WDPCP: variants seen among roughly 807,000 people sequenced by gnomAD.
WDPCP encodes WD repeat containing planar cell polarity effector.
In WDPCP, 71 loss-of-function variants were observed where a neutral mutation model predicts 93.1. The ratio of observed to expected loss-of-function variants is 0.76; its 90% confidence interval spans 0.63 to 0.93. WDPCP has a LOEUF of 0.93. Among genes scored for constraint, WDPCP ranks in the 40% least tolerant of loss-of-function variants. The probability of loss-of-function intolerance (pLI) is 0.00; values close to 1 mark genes in which losing one functional copy is unlikely to be tolerated. For synonymous variants in WDPCP, 315 were observed against 315.0 expected (o/e 1.00, Z 0.00); for missense variants, 844 against 887.4 (o/e 0.95, Z 0.62).
At chr2:63,426,791 C>T (rs1459275761) in intron 9 of WDPCP, among the ~76,000 whole-genome samples, 22 of 152,102 alleles carry the variant, frequency 1.4e-4, no homozygotes, top group Non-Finnish European at 1.5e-5. Flanking sequence ...AAGACAAGGT[C>T]CAAGTGTTTA....
chr2:63,662,713 G>C (rs980646793), intron 2 of WDPCP, among the ~76,000 whole-genome samples: 2 of 152,080 alleles, frequency 1.3e-5, no homozygotes, highest in Non-Finnish European at 2.9e-5. Flanking sequence ...TGGAGAGAGG[G>C]GTAGGTGGCT....
At chr2:63,811,639 C>T (rs985240214) in intron 2 of WDPCP, among the ~76,000 whole-genome samples, 14 of 147,852 alleles carry the variant, frequency 9.5e-5, no homozygotes, top group African/African-American at 3.0e-4. Context: ...TCAGGGAGTA[C>T]ATGTGCAGGT....
intron 15 of WDPCP, among the ~76,000 whole-genome samples, chr2:63,155,827 CTTT>C (rs1339889979): frequency 6.6e-6 from 1 of 152,132 alleles, no homozygotes; most frequent in Non-Finnish European, 1.5e-5. Context: ...ATTCTAGCTT[CTTT>C]GTCTCTTTGT....
At chr2:63,823,648 T>C (rs2104138748) in intron 1 of WDPCP, among the ~76,000 whole-genome samples, 1 of 152,292 alleles carries the variant, frequency 6.6e-6, no homozygotes, top group African/African-American at 2.4e-5. Flanking sequence ...GAAATTAAGT[T>C]GCAAACATCA....
chr2:63,369,625 A>G (rs981723245), intron 12 of WDPCP, among the ~76,000 whole-genome samples: 1 of 152,184 alleles, frequency 6.6e-6, no homozygotes, highest in African/African-American at 2.4e-5. Context: ...AAGTCTTAAG[A>G]TTCATTTGTT....
intron 15 of WDPCP, among the ~76,000 whole-genome samples, chr2:63,170,610 A>C (rs1673316692): frequency 6.6e-6 from 1 of 152,112 alleles, no homozygotes; most frequent in African/African-American, 2.4e-5. Context: ...CAATATACCC[A>C]GTTGCTTATT....
intron 14 of WDPCP, among the ~76,000 whole-genome samples, chr2:63,227,886 A>T (rs565660052): frequency 6.6e-6 from 1 of 152,210 alleles, no homozygotes; most frequent in South Asian, 2.1e-4. Flanking sequence ...CACTGTATTT[A>T]CAAAGGAACA....
At chr2:63,345,748 C>T (rs1689149216) in intron 12 of WDPCP, among the ~76,000 whole-genome samples, 1 of 152,094 alleles carries the variant, frequency 6.6e-6, no homozygotes, top group African/African-American at 2.4e-5. Context: ...AATAGATGCC[C>T]TTGAGTATTC....
chr2:63,659,832 A>C (rs537959946), intron 2 of WDPCP, among the ~76,000 whole-genome samples: 3 of 152,312 alleles, frequency 2.0e-5, no homozygotes, highest in South Asian at 4.1e-4. Context: ...GGTCTGTGGC[A>C]AGGTTGTAGG....
chr2:63,437,643 A>T, intron 7 of WDPCP, 89 bp from the exon 8 acceptor site: 1 of 1,251,912 alleles, frequency 8.0e-7, no homozygotes, highest in South Asian at 1.5e-5. Flanking sequence ...ATTTTCAAAC[A>T]TACATATTAA....
chr2:63,568,230 T>C (rs1041298029), intron 1 of WDPCP, among the ~76,000 whole-genome samples: 4 of 152,132 alleles, frequency 2.6e-5, no homozygotes, highest in Non-Finnish European at 5.9e-5. Context: ...CCAAGCAATC[T>C]AGTTCAACTA....
At chr2:63,746,016 T>C (rs888782142) in intron 2 of WDPCP, among the ~76,000 whole-genome samples, 5 of 152,184 alleles carry the variant, frequency 3.3e-5, no homozygotes, top group Non-Finnish European at 5.9e-5. Flanking sequence ...TGTTTTCATA[T>C]GTTTATGGGC....
At chr2:63,511,041 C>T (rs1369236678) in intron 1 of WDPCP, among the ~76,000 whole-genome samples, 2 of 152,166 alleles carry the variant, frequency 1.3e-5, no homozygotes, top group African/African-American at 2.4e-5. Context: ...TGATAAGCAA[C>T]TTCAGCAAAG....
intron 12 of WDPCP, among the ~76,000 whole-genome samples, chr2:63,368,044 A>C (rs1691054354): frequency 6.6e-6 from 1 of 152,224 alleles, no homozygotes. Context: ...GACAAAACTC[A>C]AATACCTTTT....
rs931322222 is a variant in WDPCP at position 63,146,955 on chromosome 2, A to G, written c.2190+5959T>C. 5.9e-5 allele frequency among the ~76,000 whole-genome samples: 9 copies of G among 152,168 alleles called. 1 individual carries two copies. The highest frequency in any genetic ancestry group is 5.9e-4 in the Admixed American group (9 of 15,286). On this transcript the variant is annotated intron_variant, in intron 17 of 17. Transcript: ENST00000272321. ...GTATATTTAAAACTTTTCATAATAA[A>G]ATTTTGGTAAAACTAGTGTTACTGA...
intron 10 of WDPCP, among the ~76,000 whole-genome samples, chr2:63,397,810 A>G (rs1262792943): frequency 6.6e-6 from 1 of 152,130 alleles, no homozygotes; most frequent in Non-Finnish European, 1.5e-5. Context: ...GAGGAGTGAG[A>G]AGTGAAGAAG....
intron 1 of WDPCP, among the ~76,000 whole-genome samples, chr2:63,566,126 G>A (rs768353124): frequency 1.3e-5 from 2 of 152,078 alleles, no homozygotes; most frequent in Non-Finnish European, 2.9e-5. Flanking sequence ...GACCTTGAAT[G>A]TACCACTCTG....
At chr2:63,282,422 T>G (rs1683635713) in intron 13 of WDPCP, among the ~76,000 whole-genome samples, 1 of 152,136 alleles carries the variant, frequency 6.6e-6, no homozygotes, top group Admixed American at 6.5e-5. Flanking sequence ...AGAGAATTGC[T>G]TGAACCTGGG....
chr2:63,522,255 T>C (rs1381109945), intron 1 of WDPCP, among the ~76,000 whole-genome samples: 1 of 151,792 alleles, frequency 6.6e-6, no homozygotes, highest in East Asian at 1.9e-4. Flanking sequence ...CTTCCACTTA[T>C]GAGTGAAAAC....
Sources: gnomAD v4.1 joint callset for allele counts (sites outside exome capture counted in the v4.1 genomes callset) on GRCh38, gnomAD v4.1.1 for gene constraint, MANE v1.5 for transcripts, NCBI Gene and HGNC (gene_info 2026-07-23, HGNC 2026-07-21) for gene names.